The following SLC8A1 variants were observed in gnomAD, a reference collection of about 807,000 sequenced individuals.
SLC8A1 encodes the protein solute carrier family 8 member A1.
SLC8A1 carries 18 observed loss-of-function variants against 68.3 expected under a neutral mutation model. The ratio of observed to expected loss-of-function variants is 0.26; its 90% CI spans 0.18 to 0.39. The LOEUF is 0.39. Ranked by LOEUF, SLC8A1 falls within the 10% of genes least tolerant of loss-of-function variation. The pLI is 1.00. For synonymous variants in SLC8A1, 475 were observed against 415.5 expected (o/e 1.14, Z -1.74); for missense variants, 985 against 1,156.7 (o/e 0.85, Z 2.15).
intron 1 of SLC8A1, among the ~76,000 whole-genome samples, chr2:40,480,605 G>A (rs1704567835): frequency 6.6e-6 from 1 of 152,148 alleles, no homozygotes; most frequent in Non-Finnish European, 1.5e-5. Flanking sequence ...CTAAGACACT[G>A]CCCTAACTTT....
rs1697113256 is a variant in SLC8A1, at chr2:40,427,230, C to CA, written c.1808+1242_1808+1243insT. 2.0e-5 allele frequency among the ~76,000 whole-genome samples: 3 copies of CA among 152,134 alleles called. No homozygotes were observed. In the South Asian group the frequency reaches 6.2e-4, roughly 32 times the overall value. On this transcript the variant is annotated intron_variant, in intron 2 of 7. Transcript: ENST00000406785. The stretch of plus-strand genomic sequence containing the variant: ...AGATGTAAAGACACTGGAAGGCTCT[C>CA]TCAGGAAAATCTGTTCTCTCTGCCC...
chr2:40,260,490 C>T (rs182708006), intron 2 of SLC8A1, among the ~76,000 whole-genome samples: 6 of 152,198 alleles, frequency 3.9e-5, no homozygotes, highest in African/African-American at 7.2e-5. Context: ...TTAACAGTAA[C>T]GTCTAAAATA....
intron 2 of SLC8A1, among the ~76,000 whole-genome samples, chr2:40,272,494 A>G (rs924167691): frequency 2.0e-5 from 3 of 152,120 alleles, no homozygotes; most frequent in Non-Finnish European, 4.4e-5. Flanking sequence ...CTCCTTAGGT[A>G]AACAAAATAT....
chr2:40,455,898 G>T (rs888974586), upstream of SLC8A1, among the ~76,000 whole-genome samples: 2 of 152,186 alleles, frequency 1.3e-5, no homozygotes, highest in Non-Finnish European at 2.9e-5. Context: ...CAGACTCACA[G>T]TCACAACTCT....
intron 2 of SLC8A1, among the ~76,000 whole-genome samples, chr2:40,198,862 T>C (rs146417200): frequency 0.012 from 1,808 of 151,620 alleles, 13 homozygotes; most frequent in South Asian, 0.021. Flanking sequence ...TGATACAGGG[T>C]TGAAGGGTTG....
At chr2:40,260,465 A>G in intron 2 of SLC8A1, among the ~76,000 whole-genome samples, 1 of 152,248 alleles carries the variant, frequency 6.6e-6, no homozygotes, top group East Asian at 1.9e-4. Flanking sequence ...ACTTAGGCTG[A>G]TCAGAAACAA....
chr2:40,126,924 T>C (rs2038238901), intron 7 of SLC8A1, among the ~76,000 whole-genome samples: 1 of 152,236 alleles, frequency 6.6e-6, no homozygotes, highest in Non-Finnish European at 1.5e-5. Context: ...GCTCCTTAAG[T>C]ATCTGAGAAT....
Position 40,233,354 on chromosome 2 carries a change from G to A in SLC8A1, c.1809-55499C>T, listed in dbSNP as rs1421950349. ...CATTTCTCTGATGGCCAGTGATGAT[G>A]AGCATTTTTTCATGTGTTTTTTGGC... On this transcript the variant is annotated intron_variant, in intron 2 of 7. Coordinates refer to ENST00000406785, the Ensembl canonical transcript of SLC8A1. Among the ~76,000 whole-genome samples, 5 of 152,180 alleles carry A rather than the reference G, an allele frequency of 3.3e-5. No individual in the cohort carries two copies. The South Asian group carries it at 1.0e-3, about 32-fold the overall frequency.
At chr2:40,367,346 C>A (rs1391110295) in intron 2 of SLC8A1, among the ~76,000 whole-genome samples, 2 of 152,016 alleles carry the variant, frequency 1.3e-5, no homozygotes, top group African/African-American at 2.4e-5. Context: ...CTGACTGACA[C>A]CTTTACATCC....
At chr2:40,220,669 A>G (rs1193896738) in intron 2 of SLC8A1, among the ~76,000 whole-genome samples, 2 of 152,146 alleles carry the variant, frequency 1.3e-5, no homozygotes, top group Admixed American at 1.3e-4. Flanking sequence ...ATTTTAGGGC[A>G]TGGATGTGGG....
chr2:40,390,272 T>G (rs781712161), intron 2 of SLC8A1, among the ~76,000 whole-genome samples: 3 of 152,128 alleles, frequency 2.0e-5, no homozygotes, highest in Non-Finnish European at 2.9e-5. Flanking sequence ...CAGCTTGCAA[T>G]TGTCACTTGG....
At chr2:40,301,096 G>A (rs779173954) in intron 2 of SLC8A1, among the ~76,000 whole-genome samples, 1 of 152,108 alleles carries the variant, frequency 6.6e-6, no homozygotes, top group Non-Finnish European at 1.5e-5. Flanking sequence ...CTTCAGCTTT[G>A]CATCTTGATT....
chr2:40,176,663 T>C (rs446538), intron 3 of SLC8A1, among the ~76,000 whole-genome samples: 120,229 of 152,100 alleles, frequency 0.79, 48,212 homozygotes, highest in Middle Eastern at 0.87. Context: ...AAACATGGGA[T>C]GAACGTGGGA....
chr2:40,340,961 G>A (rs1667507040), intron 2 of SLC8A1, among the ~76,000 whole-genome samples: 1 of 152,254 alleles, frequency 6.6e-6, no homozygotes, highest in African/African-American at 2.4e-5. Flanking sequence ...TAAACTTTGA[G>A]CTTTTATTGA....
chr2:40,120,023 C>G (rs1238718870), intron 7 of SLC8A1, among the ~76,000 whole-genome samples: 5 of 152,186 alleles, frequency 3.3e-5, no homozygotes, highest in Admixed American at 6.5e-5. Context: ...AATACTCTCC[C>G]TTTCCTTCAG....
At chr2:40,283,131 C>A (rs1339598648) in intron 2 of SLC8A1, among the ~76,000 whole-genome samples, 1 of 152,148 alleles carries the variant, frequency 6.6e-6, no homozygotes, top group African/African-American at 2.4e-5. Context: ...AAGAGAACAA[C>A]TAGTCCACTC....
chr2:40,385,180 G>A (rs10165478), intron 2 of SLC8A1, among the ~76,000 whole-genome samples: 1 of 151,844 alleles, frequency 6.6e-6, no homozygotes, highest in Non-Finnish European at 1.5e-5. Context: ...TTTTAAGAGC[G>A]AGTATGTTCT....
intron 2 of SLC8A1, among the ~76,000 whole-genome samples, chr2:40,293,915 A>G (rs2069826673): frequency 6.6e-6 from 1 of 152,196 alleles, no homozygotes; most frequent in Non-Finnish European, 1.5e-5. Context: ...TTTTAGAAAC[A>G]GCATTGATTG....
intron 6 of SLC8A1, among the ~76,000 whole-genome samples, chr2:40,155,140 T>C (rs1190395715): frequency 6.6e-6 from 1 of 151,984 alleles, no homozygotes; most frequent in Non-Finnish European, 1.5e-5. Flanking sequence ...TTATTATTAT[T>C]ATTTTTTGAG....
Sources: allele counts gnomAD v4.1 joint callset (sites outside exome capture counted in the v4.1 genomes callset), GRCh38; gene constraint gnomAD v4.1.1; transcripts MANE v1.5; gene names NCBI Gene and HGNC (gene_info 2026-07-23, HGNC 2026-07-21).